The following XYLT1 variants were observed in gnomAD, a reference collection of about 807,000 sequenced individuals.
XYLT1 encodes the protein beta-D-xylosyltransferase 1.
In XYLT1, 36 loss-of-function variants were observed where a neutral mutation model predicts 91.3. The observed-to-expected ratio is 0.39, with a 90% confidence interval of 0.30 to 0.52. The LOEUF (loss-of-function observed/expected upper bound fraction) is 0.52. XYLT1 is among the 20% of genes least tolerant of loss of function. The pLI is 0.68. For missense variants in XYLT1, 1,242 were observed against 1,284.5 expected (o/e 0.97, Z 0.51); for synonymous variants, 588 against 532.0 (o/e 1.11, Z -1.45).
At chr16:17,185,841 A>G (rs1047880732) in intron 5 of XYLT1, among the ~76,000 whole-genome samples, 1 of 152,100 alleles carries the variant, frequency 6.6e-6, no homozygotes, top group African/African-American at 2.4e-5. Flanking sequence ...TCTCTACTAA[A>G]AATACAAAAA....
At chr16:17,379,755 T>TCACACACACACACACA (rs1164558348) in intron 1 of XYLT1, among the ~76,000 whole-genome samples, 10 of 130,424 alleles carry the variant, frequency 7.7e-5, no homozygotes, top group African/African-American at 2.3e-4. Flanking sequence ...TCTCTCTCTC[T>TCACACACACACACACA]CTCTCTCTCA....
intron 2 of XYLT1, chr16:17,354,760 G>T: frequency 6.6e-6 from 1 of 152,308 alleles, no homozygotes. Flanking sequence ...TGGCATATGG[G>T]TAACATTTGA....
chr16:17,143,845 C>G (rs976078981), intron 6 of XYLT1, among the ~76,000 whole-genome samples: 1 of 146,178 alleles, frequency 6.8e-6, no homozygotes. Flanking sequence ...TCGTCATCAT[C>G]ACCATCATCA....
intron 3 of XYLT1, among the ~76,000 whole-genome samples, chr16:17,211,380 C>T (rs2032753930): frequency 6.6e-6 from 1 of 152,130 alleles, no homozygotes; most frequent in Non-Finnish European, 1.5e-5. Flanking sequence ...CTCCCACTTG[C>T]TTTAGGGGCC....
At chr16:17,184,825 A>G (rs904821457) in intron 5 of XYLT1, among the ~76,000 whole-genome samples, 3 of 152,260 alleles carry the variant, frequency 2.0e-5, no homozygotes, top group African/African-American at 7.2e-5. Flanking sequence ...AGAGAGAACT[A>G]TCACATTTTT....
intron 5 of XYLT1, among the ~76,000 whole-genome samples, chr16:17,175,850 T>C (rs2031931221): frequency 6.6e-6 from 1 of 152,224 alleles, no homozygotes; most frequent in Non-Finnish European, 1.5e-5. Context: ...ACCTTAGGAT[T>C]CATGAGTACC....
rs1966725504 is a variant in XYLT1, at chr16:17,102,910, C to T, written c.*5785G>A. 1 of 152,042 alleles carries T rather than the reference C, an allele frequency of 6.6e-6. No individual in the cohort carries two copies. The highest frequency in any genetic ancestry group is 1.5e-5 in the Non-Finnish European group (1 of 67,970). 9.4% of individuals were successfully genotyped at this position (152,042 alleles called of 1,614,324 possible). A position where few individuals can be genotyped will look rare whatever the true frequency, so the allele number is the denominator to read the frequency against. On this transcript the variant is annotated 3_prime_UTR_variant, in exon 12 of 12. Transcript: ENST00000261381. The stretch of plus-strand genomic sequence containing the variant: ...GGACGGTAATAACTTAGAGTGAGGC[C>T]TCTAAAACAAATACCCAAACAAATG...
intron 2 of XYLT1, among the ~76,000 whole-genome samples, chr16:17,320,507 G>C (rs2034700118): frequency 7.1e-6 from 1 of 140,172 alleles, no homozygotes; most frequent in East Asian, 2.0e-4. Flanking sequence ...TTGAGACTGA[G>C]TCTTGCTCTG....
At chr16:17,276,700 T>G (rs1431336100) in intron 2 of XYLT1, among the ~76,000 whole-genome samples, 2 of 152,178 alleles carry the variant, frequency 1.3e-5, no homozygotes, top group Non-Finnish European at 2.9e-5. Context: ...GTGATCATGA[T>G]ATGCTACCAG....
intron 2 of XYLT1, among the ~76,000 whole-genome samples, chr16:17,303,998 C>CGT (rs140606021): frequency 0.042 from 6,325 of 150,096 alleles, 390 homozygotes; most frequent in African/African-American, 0.14. Context: ...TATACATGTG[C>CGT]GTGTGTGTGT....
chr16:17,272,906 T>C (rs1417645119), intron 2 of XYLT1, among the ~76,000 whole-genome samples: 4 of 152,136 alleles, frequency 2.6e-5, no homozygotes, highest in South Asian at 2.1e-4. Context: ...GGAGGTGGCA[T>C]TGTCCCTAAT....
chr16:17,321,342 C>T (rs1268589924), intron 2 of XYLT1, among the ~76,000 whole-genome samples: 1 of 43,582 alleles, frequency 2.3e-5, no homozygotes, highest in Middle Eastern at 0.028. Flanking sequence ...ACTAACTAGC[C>T]TTTTTTTTTT....
Position 17,470,696 on chromosome 16 carries a change from T to A in XYLT1, c.101A>T (p.Asn34Ile). The A allele has an allele frequency of 8.6e-7, 1 of 1,163,420 alleles. No individual in the cohort carries two copies. The highest frequency in any genetic ancestry group is 1.1e-6 in the Non-Finnish European group (1 of 925,074). The allele number at this position is 1,163,420 out of a possible 1,614,324, so 72.1% of individuals were successfully genotyped here. Residue 34 changes from asparagine (N) to isoleucine (I), a missense_variant, in exon 1 of 12, where the codon AAT becomes ATT. Around this residue, in one of 3 missense-constraint regions of XYLT1, gnomAD observed 437 missense variants for 411.5 expected, o/e 1.06. Coordinates refer to ENST00000261381, the MANE Select transcript of XYLT1 (RefSeq NM_022166.4). ...VLLLQTLVVW[N>I]FSSLDSGAGE... ...GGCCCCGGAGTCGAGGCTGCTGAAA[T>A]TCCACACGACCAGCGTCTGCAGCAG... is the stretch of plus-strand genomic sequence containing the variant.
intron 1 of XYLT1, among the ~76,000 whole-genome samples, chr16:17,468,144 A>G (rs2036924601): frequency 6.6e-6 from 1 of 152,080 alleles, no homozygotes; most frequent in South Asian, 2.1e-4. Flanking sequence ...GGTCTCCTGG[A>G]GCTCCATGGA....
intron 3 of XYLT1, among the ~76,000 whole-genome samples, chr16:17,231,382 T>A (rs2033154374): frequency 6.6e-6 from 1 of 152,052 alleles, no homozygotes; most frequent in African/African-American, 2.4e-5. Context: ...GGCAGTGGGG[T>A]GCAGTGGATA....
At chr16:17,360,214 C>A (rs1389534456) in intron 1 of XYLT1, among the ~76,000 whole-genome samples, 3 of 152,150 alleles carry the variant, frequency 2.0e-5, no homozygotes, top group Non-Finnish European at 4.4e-5. Context: ...CTTCACAGAC[C>A]ATTTGGCTAT....
At chr16:17,196,738 A>G (rs2032433261) in intron 5 of XYLT1, among the ~76,000 whole-genome samples, 1 of 152,078 alleles carries the variant, frequency 6.6e-6, no homozygotes. Context: ...GCAAATCCAG[A>G]TGGAAAACAC....
intron 3 of XYLT1, among the ~76,000 whole-genome samples, chr16:17,232,737 A>C (rs1430193695): frequency 6.6e-6 from 1 of 151,430 alleles, no homozygotes; most frequent in East Asian, 1.9e-4. Context: ...TAGAGGTGAT[A>C]GTGGTGTTGG....
intron 3 of XYLT1, among the ~76,000 whole-genome samples, chr16:17,208,623 C>T (rs535337537): frequency 4.6e-5 from 7 of 152,222 alleles, no homozygotes; most frequent in South Asian, 2.1e-4. Context: ...TAGAATTTTC[C>T]GCTTGTAGCA....
Sources: gnomAD v4.1 joint callset for allele counts (sites outside exome capture counted in the v4.1 genomes callset) on GRCh38, gnomAD v4.1.1 for gene constraint, gnomAD v4.1.1 regional missense constraint, MANE v1.5 for transcripts, NCBI Gene and HGNC (gene_info 2026-07-23, HGNC 2026-07-21) for gene names.